Variants in ULK2 observed in about 807,000 individuals in gnomAD.
ULK2 encodes serine/threonine-protein kinase ULK2.
A neutral mutation model predicts 127.5 loss-of-function variants in ULK2; 76 were observed. That is an observed-to-expected ratio of 0.60 (90% CI 0.50 to 0.72). The LOEUF is 0.72. ULK2 is among the 30% of genes least tolerant of loss of function. The probability of loss-of-function intolerance (pLI) is 0.00; values close to 1 mark genes in which losing one functional copy is unlikely to be tolerated. For missense variants in ULK2, 1,144 were observed against 1,295.9 expected, an observed-to-expected ratio of 0.88 and a Z score of 1.80; for synonymous variants, 452 against 461.9, an observed-to-expected ratio of 0.98 and a Z score of 0.28.
At chr17:19,797,907 T>C (rs2087310209) in intron 17 of ULK2, among the ~76,000 whole-genome samples, 1 of 152,162 alleles carries the variant, frequency 6.6e-6, no homozygotes, top group African/African-American at 2.4e-5. Flanking sequence ...GATTACAGGT[T>C]ATTAGCTGTT....
At chr17:19,780,857 T>C in intron 24 of ULK2, 129 bp downstream of exon 24, 1 of 1,021,860 alleles carries the variant, frequency 9.8e-7, no homozygotes. Flanking sequence ...CAACCCAGCA[T>C]CTTTTCCCTT....
chr17:19,834,212 T>G (rs1032362022), intron 10 of ULK2, among the ~76,000 whole-genome samples: 5 of 149,550 alleles, frequency 3.3e-5, no homozygotes, highest in Admixed American at 3.3e-4. Flanking sequence ...GAATTCAGTA[T>G]CTACCAAAAA....
intron 2 of ULK2, among the ~76,000 whole-genome samples, 195 bp downstream of exon 2, chr17:19,865,541 T>C (rs747292171): frequency 2.6e-5 from 4 of 152,056 alleles, no homozygotes; most frequent in Admixed American, 6.6e-5. Flanking sequence ...CTTCACAGAA[T>C]CCCTCTGAGC....
In ULK2 at chr17:19,777,649, G is replaced by A; in HGVS notation, c.2984C>T (p.Ala995Val). 6.2e-7 allele frequency: 1 copy of A among 1,614,078 alleles called. No homozygotes were observed. The highest frequency in any genetic ancestry group is 8.5e-7 in the Non-Finnish European group (1 of 1,179,990). The change falls in exon 26 of 27, where the codon GCA becomes GTA. Residue 995 changes from alanine to valine, a missense_variant. Coordinates refer to ENST00000395544, the MANE Select transcript of ULK2 (RefSeq NM_014683.4). The part of the protein sequence containing the change: ...TEDIVYRYHK[A>V]ALLLEGLSRI... ...ACTTAGGCCTTCCAAAAGAAGGGCT[G>A]CCTTATGATAGCGATAAACAATATC...
In ULK2 at chr17:19,846,873, A is replaced by G. The variant is rs2041896148; in HGVS notation, c.333T>C (p.Phe111=). The change falls in exon 6 of 27, where the codon TTT becomes TTC. Residue 111 remains phenylalanine (F), a synonymous_variant. Transcript: ENST00000395544. ...GTLSEDTIRV[F]LHQIAAAMRI... ...GCATGGCAGCAGCAATCTGATGCAG[A>G]AACACTCTGATCGTGTCTTCACTGA... 1 of 1,613,640 alleles carries G rather than the reference A, an allele frequency of 6.2e-7. No individual in the cohort carries two copies. The highest frequency in any genetic ancestry group is 8.5e-7 in the Non-Finnish European group (1 of 1,179,806).
In ULK2 at chr17:19,861,048, G is replaced by A. The variant is rs1302006620; in HGVS notation, c.225+3755C>T. On this transcript the variant is annotated intron_variant, in intron 3 of 26. Transcript: ENST00000395544. Reference sequence around the variant, plus strand: ...CATTGCACTCCACCCTGGGCGACAAGAGCAAGACTTCTTCTCAAAAAAAAA... The same window carrying A: ...CATTGCACTCCACCCTGGGCGACAAAAGCAAGACTTCTTCTCAAAAAAAAA... The A allele has an allele frequency of 2.7e-5, 4 of 150,440 alleles. No individual in the cohort carries two copies. In the East Asian group the frequency reaches 5.9e-4, roughly 22 times the overall value. 9.3% of individuals were successfully genotyped at this position (150,440 alleles called of 1,614,324 possible).
At chr17:19,861,761 A>G (rs1420896997) in intron 3 of ULK2, among the ~76,000 whole-genome samples, 1 of 152,208 alleles carries the variant, frequency 6.6e-6, no homozygotes. Flanking sequence ...CAACATTTCA[A>G]CTAGGGACTG....
intron 12 of ULK2, among the ~76,000 whole-genome samples, chr17:19,821,074 A>T (rs1203688182): frequency 1.3e-5 from 2 of 152,322 alleles, no homozygotes; most frequent in East Asian, 1.9e-4. Context: ...TGGGAGGCTA[A>T]GGCAGGTGGA....
chr17:19,863,121 C>A (rs976538068), intron 3 of ULK2, among the ~76,000 whole-genome samples: 7 of 151,554 alleles, frequency 4.6e-5, no homozygotes, highest in Non-Finnish European at 8.8e-5. Context: ...GACTGAGGCA[C>A]AAGAATCGCT....
chr17:19,775,059 G>C lies in ULK2; in HGVS notation c.*1290C>G, dbSNP rs1766880014. ...AATGCCAAAGAGCTCTGTGCAATTT[G>C]TCAAAGAGTTCAGATTATTTTATGT... is the stretch of plus-strand genomic sequence containing the variant. On this transcript the variant is annotated 3_prime_UTR_variant, in exon 27 of 27. Transcript: ENST00000395544. 1 of 152,600 alleles carries C rather than the reference G, an allele frequency of 6.6e-6. No homozygotes were observed. The highest frequency in any genetic ancestry group is 2.1e-4 in the South Asian group (1 of 4,828). The allele number at this position is 152,600 out of a possible 1,614,324, so 9.5% of individuals were successfully genotyped here.
At position 19,846,757 on chromosome 17, in the gene ULK2, C is replaced by G; in HGVS notation, c.449G>C (p.Ser150Thr). 2 of 1,610,532 alleles carry G rather than the reference C, an allele frequency of 1.2e-6. No individual in the cohort carries two copies. The highest frequency in any genetic ancestry group is 1.7e-6 in the Non-Finnish European group (2 of 1,178,660). Reference sequence around the variant, plus strand: ...TTTACCTATTTTGATGCGAATACCACTGACACTTGATTTTCTGCGATTGGC... The same window carrying G: ...TTTACCTATTTTGATGCGAATACCAGTGACACTTGATTTTCTGCGATTGGC... ...SYANRRKSSVSGIRIKIADFG... is the reference protein window; with the variant it reads ...SYANRRKSSVTGIRIKIADFG... The change falls in exon 6 of 27, where the codon AGT becomes ACT. Residue 150 changes from serine to threonine, a missense_variant. Transcript: ENST00000395544.
intron 5 of ULK2, 122 bp from the exon 6 acceptor site, chr17:19,847,032 T>C: frequency 1.1e-6 from 1 of 894,672 alleles, no homozygotes; most frequent in Non-Finnish European, 1.6e-6. Context: ...TGGATTCACA[T>C]TTATTTATTT....
chr17:19,820,054 T>TTTA (rs1020884402), intron 12 of ULK2, among the ~76,000 whole-genome samples: 1 of 1,916 alleles, frequency 5.2e-4, no homozygotes, highest in African/African-American at 1.2e-3. Context: ...ACTTTATTTA[T>TTTA]TTTTTTTTTT....
intron 1 of ULK2, among the ~76,000 whole-genome samples, chr17:19,866,370 T>C (rs979020985): frequency 6.7e-5 from 10 of 149,522 alleles, no homozygotes; most frequent in African/African-American, 2.4e-4. Flanking sequence ...TAGGCGGGCG[T>C]GGTGGCGGGC....
chr17:19,838,192 C>T (rs1252608689), intron 10 of ULK2, among the ~76,000 whole-genome samples: 8 of 151,776 alleles, frequency 5.3e-5, no homozygotes, highest in Non-Finnish European at 1.2e-4. Flanking sequence ...CACCCCCACC[C>T]CACCCCCACT....
At chr17:19,781,242 CTTTTTTTT>C (rs200296663) in intron 23 of ULK2, 138 bp from the exon 24 acceptor site, 2 of 472,148 alleles carry the variant, frequency 4.2e-6, no homozygotes, top group South Asian at 2.6e-5. Flanking sequence ...TCTTTCTTTT[CTTTTTTTT>C]TTTTTTTTTT....
chr17:19,842,541 T>G lies in ULK2; in HGVS notation c.645+580A>C, dbSNP rs1449866686. On this transcript the variant is annotated intron_variant, in intron 8 of 26. Coordinates refer to ENST00000395544, the MANE Select transcript of ULK2 (RefSeq NM_014683.4). Reference sequence around the variant, plus strand: ...CTATCTCGGGCAAATATTTTCACTTTGTTTCAGTTTTCAAATTCGAAGATC... The same window carrying G: ...CTATCTCGGGCAAATATTTTCACTTGGTTTCAGTTTTCAAATTCGAAGATC... 4.6e-5 allele frequency among the ~76,000 whole-genome samples: 7 copies of G among 152,236 alleles called. No individual in the cohort carries two copies. In the East Asian group the frequency reaches 1.2e-3, roughly 25 times the overall value.
intron 10 of ULK2, among the ~76,000 whole-genome samples, chr17:19,826,874 G>A (rs961030406): frequency 5.3e-5 from 8 of 151,688 alleles, no homozygotes; most frequent in Admixed American, 3.9e-4. Flanking sequence ...GGAGAATGGC[G>A]TGAACCCGGG....
At position 19,845,351 on chromosome 17, in the gene ULK2, G is replaced by C. The variant is rs1351376345; in HGVS notation, c.496C>G (p.His166Asp). 2 of 1,613,904 alleles carry C rather than the reference G, an allele frequency of 1.2e-6. No homozygotes were observed. Among genetic ancestry groups the C allele is most frequent in the Non-Finnish European group, 1.7e-6 (2 of 1,179,886 alleles). Residue 166 changes from histidine to aspartate, a missense_variant, in exon 7 of 27, where the codon CAT becomes GAT. This residue lies in a region of ULK2 where 231 missense variants were observed against 325.4 expected (regional missense o/e 0.71). Transcript: ENST00000395544. ...IADFGFARYL[H>D]SNMMAATLCG... Reference sequence around the variant, plus strand: ...AGTGTTGCAGCCATCATGTTACTATGTAGGTAACGAGCAAAACCAAAATCC... The same window carrying C: ...AGTGTTGCAGCCATCATGTTACTATCTAGGTAACGAGCAAAACCAAAATCC...
Sources: gnomAD v4.1 joint callset for allele counts (sites outside exome capture counted in the v4.1 genomes callset) on GRCh38, gnomAD v4.1.1 for gene constraint, gnomAD v4.1.1 regional missense constraint, MANE v1.5 for transcripts, NCBI Gene and HGNC (gene_info 2026-07-23, HGNC 2026-07-21) for gene names.